Variants in WDR81 observed in about 807,000 individuals in gnomAD.
WDR81 encodes WD repeat-containing protein 81.
Under a neutral mutation model 140.8 loss-of-function variants are expected in WDR81, and 92 were observed. The observed-to-expected ratio is 0.65, with a 90% CI of 0.55 to 0.78. WDR81 has a LOEUF of 0.78. Among genes scored for constraint, WDR81 ranks in the 30% least tolerant of loss-of-function variants. The pLI is 0.00. For missense variants in WDR81, 2,502 were observed against 2,636.4 expected (o/e 0.95, Z 1.12); for synonymous variants, 1,183 against 1,156.4 (o/e 1.02, Z -0.47).
In WDR81 at chr17:1,734,128, C is replaced by A. The variant is rs1904642131; in HGVS notation, c.5091C>A (p.Arg1697=). 1.2e-6 allele frequency: 2 copies of A among 1,600,100 alleles called. No individual in the cohort carries two copies. Among genetic ancestry groups the A allele is most frequent in the Admixed American group, 3.3e-5 (2 of 60,006 alleles). The change falls in exon 7 of 10, where the codon CGC becomes CGA. Residue 1697 remains arginine, a synonymous_variant. Coordinates refer to ENST00000409644, the MANE Select transcript of WDR81 (RefSeq NM_001163809.2). ...TAPRLVYTQH[R]KSVFFVGQLE... is the part of the protein sequence containing the mutation. The stretch of plus-strand genomic sequence containing the variant: ...CACGCCTCGTCTACACCCAGCACCG[C>A]AAGAGCGTCTTCTTCGTGGGCCAGC...
In WDR81 at chr17:1,727,141, A is replaced by T. The variant is rs910504437; in HGVS notation, c.2182A>T (p.Met728Leu). 3 of 1,547,938 alleles carry T rather than the reference A, an allele frequency of 1.9e-6. No individual in the cohort carries two copies. Among genetic ancestry groups the T allele is most frequent in the Non-Finnish European group, 2.6e-6 (3 of 1,145,286 alleles). Residue 728 changes from methionine (M) to leucine (L), a missense_variant, in exon 1 of 10, where the codon ATG (methionine) becomes TTG (leucine). By Grantham distance (15) the Met-to-Leu change is conservative. This residue lies in a region of WDR81 where 1,737 missense variants were observed against 1,843.0 expected (regional missense o/e 0.94). Coordinates refer to ENST00000409644, the MANE Select transcript of WDR81 (RefSeq NM_001163809.2). ...RILLPEGFNP[M>L]QALEELEKTG... The stretch of plus-strand genomic sequence containing the variant: ...TCTTCTTCCCGAGGGCTTCAATCCC[A>T]TGCAGGCCCTGGAGGAGCTGGAGAA...
At chr17:1,732,584 C>G in intron 5 of WDR81, 82 bp from the exon 6 acceptor site, 1 of 1,573,354 alleles carries the variant, frequency 6.4e-7, no homozygotes, top group Non-Finnish European at 8.6e-7. Context: ...TGAAGCTGGA[C>G]TCCGCGGGCC....
upstream of WDR81, chr17:1,724,421 C>G (rs1373800528): frequency 1.1e-6 from 1 of 951,220 alleles, no homozygotes; most frequent in East Asian, 1.2e-4. Context: ...CCGCACTTAA[C>G]TAAGAGGCTG....
intron 1 of WDR81, 68 bp from the exon 2 acceptor site, chr17:1,730,312 G>A (rs1223238137): frequency 3.8e-6 from 5 of 1,331,110 alleles, no homozygotes; most frequent in Non-Finnish European, 5.2e-6. Context: ...GGGGTGCCGT[G>A]GGGTGGGGTG....
Position 1,728,045 on chromosome 17 carries a change from C to A in WDR81, c.3086C>A (p.Ala1029Asp). The stretch of plus-strand genomic sequence containing the variant: ...GAGAGCAAGGACCTGGCAGGGGCTG[C>A]TGAGGAGGAGGAGAGCGGGCTGCCC... Reference protein sequence around the residue: ...QEESKDLAGAAEEEESGLPGA... With the variant: ...QEESKDLAGADEEEESGLPGA... The change falls in exon 1 of 10, where the codon GCT (alanine) becomes GAT (aspartate). Residue 1029 changes from alanine to aspartate, a missense_variant. Ala to Asp is a moderately radical substitution (Grantham distance 126). Coordinates refer to ENST00000409644, the MANE Select transcript of WDR81 (RefSeq NM_001163809.2). 6.4e-7 allele frequency: 1 copy of A among 1,558,658 alleles called. No homozygotes were observed. The highest frequency in any genetic ancestry group is 8.7e-7 in the Non-Finnish European group (1 of 1,152,292).
rs749752993 is a variant in WDR81 at position 1,726,574 on chromosome 17, C to T, written c.1615C>T (p.Arg539Trp). 66 of 1,550,252 alleles carry T rather than the reference C, an allele frequency of 4.3e-5. No homozygotes were observed. Among genetic ancestry groups the T allele is most frequent in the Non-Finnish European group, 5.2e-5 (60 of 1,146,986 alleles). The change falls in exon 1 of 10, where the codon CGG becomes TGG. Residue 539 changes from arginine (R) to tryptophan (W), a missense_variant. Transcript: ENST00000409644. The stretch of plus-strand genomic sequence containing the variant: ...CCTGCTGGAGAGCCGCGAGGTATCC[C>T]GGGACCTGCACCATTGGATCGACCT... The part of the protein sequence containing the change: ...RALLESREVS[R>W]DLHHWIDLTF...
rs1597289351 is a variant in WDR81 at position 1,727,489 on chromosome 17, C to A, written c.2530C>A (p.Gln844Lys). The A allele has an allele frequency of 6.5e-7, 1 of 1,550,272 alleles. No homozygotes were observed. The highest frequency in any genetic ancestry group is 8.7e-7 in the Non-Finnish European group (1 of 1,147,006). The change falls in exon 1 of 10, where the codon CAA becomes AAA. Residue 844 changes from glutamine (Q) to lysine (K), a missense_variant. Transcript: ENST00000409644. ...GGGAGCAGAGAGGGGCAAGCTGGAC[C>A]AACTGTTTGAGTACAGGCCTGTCTC... ...PMGAERGKLD[Q>K]LFEYRPVSQG...
upstream of WDR81, among the ~76,000 whole-genome samples, chr17:1,720,035 C>T (rs1049917729): frequency 6.6e-6 from 1 of 151,498 alleles, no homozygotes. Flanking sequence ...TTAGAAAACA[C>T]CTAGCGTAGA....
At position 1,733,965 on chromosome 17, in the gene WDR81, G is replaced by A; in HGVS notation, c.4928G>A (p.Ser1643Asn). The change falls in exon 7 of 10, where the codon AGC (serine) becomes AAC (asparagine). Residue 1643 changes from serine (S) to asparagine (N), a missense_variant. This residue lies in a region of WDR81 where 1,737 missense variants were observed against 1,843.0 expected (regional missense o/e 0.94). Transcript: ENST00000409644. ...CACTTCCACCAGATCCGCCTGCAGA[G>A]CTTCCCGGGCCACTCGGGGGCCGTC... ...HFHFHQIRLQ[S>N]FPGHSGAVKC... The A allele has an allele frequency of 2.5e-6, 4 of 1,612,902 alleles. No homozygotes were observed. Among genetic ancestry groups the A allele is most frequent in the Non-Finnish European group, 3.4e-6 (4 of 1,180,000 alleles).
chr17:1,732,011 A>G (rs1904392721), intron 4 of WDR81, among the ~76,000 whole-genome samples: 1 of 151,384 alleles, frequency 6.6e-6, no homozygotes, highest in Admixed American at 6.6e-5. Context: ...AGGTGGGTGG[A>G]TCGCTTGAGG....
At chr17:1,719,993 A>G (rs1914778904), upstream of WDR81, among the ~76,000 whole-genome samples, 1 of 152,180 alleles carries the variant, frequency 6.6e-6, no homozygotes. Context: ...CGAAAAACAA[A>G]TTTAATTAGA....
rs1432293697 is a variant in WDR81 at position 1,726,853 on chromosome 17, G to A, written c.1894G>A (p.Gly632Arg). The A allele has an allele frequency of 1.9e-6, 3 of 1,550,206 alleles. No homozygotes were observed. In the Admixed American group the frequency reaches 5.9e-5, roughly 30 times the overall value. The part of the protein sequence containing the change: ...FTENPGQLPN[G>R]VGRPVLEATP... ...GGAAAACCCGGGACAGCTTCCAAAT[G>A]GAGTGGGCCGGCCAGTTTTAGAGGC... Residue 632 changes from glycine to arginine, a missense_variant, in exon 1 of 10, where the codon GGA (glycine) becomes AGA (arginine). Gly to Arg is a moderately radical substitution (Grantham distance 125, BLOSUM62 -2). Coordinates refer to ENST00000409644, the MANE Select transcript of WDR81 (RefSeq NM_001163809.2).
At position 1,728,571 on chromosome 17, in the gene WDR81, AGAG is replaced by A. The variant is rs752609059; in HGVS notation, c.3620_3622del (p.Glu1207del). On this transcript the variant is annotated inframe_deletion, in exon 1 of 10. Transcript: ENST00000409644. The stretch of plus-strand genomic sequence containing the variant: ...GCGGCAGTGGGGGAGATGGAGAAGA[AGAG>A]GAGGAGGCACTGCCTGAGCAGTCAG... 48 of 1,513,318 alleles carry A rather than the reference AGAG, an allele frequency of 3.2e-5. No homozygotes were observed. The Admixed American group carries it at 7.2e-4, about 23-fold the overall frequency. 93.7% of individuals were successfully genotyped at this position (1,513,318 alleles called of 1,614,324 possible).
At chr17:1,716,722 C>T in intron 1 of WDR81, 2 of 1,417,222 alleles carry the variant, frequency 1.4e-6, no homozygotes, top group South Asian at 1.2e-5. Flanking sequence ...GTCGTGAGTG[C>T]TTCTTTTAGA....
chr17:1,724,648 G>A, upstream of WDR81: 1 of 1,027,804 alleles, frequency 9.7e-7, no homozygotes, highest in South Asian at 4.6e-5. Flanking sequence ...TCCCGCCCGG[G>A]CCTCTGGAGC....
Position 1,731,130 on chromosome 17 carries a change from GGCC to G in WDR81, c.4032_4034del (p.Ala1345del). On this transcript the variant is annotated inframe_deletion, in exon 4 of 10. Coordinates refer to ENST00000409644, the MANE Select transcript of WDR81 (RefSeq NM_001163809.2). Reference sequence around the variant, plus strand: ...ACAGCCGTAAGGAGGCGGGGCTGCTGGCCGCGGTGACGCTGACTCAGAAGATCA... The same window carrying G: ...ACAGCCGTAAGGAGGCGGGGCTGCTGGCGGTGACGCTGACTCAGAAGATCA... 6.2e-7 allele frequency: 1 copy of G among 1,613,320 alleles called. No individual in the cohort carries two copies. Among genetic ancestry groups the G allele is most frequent in the East Asian group, 2.2e-5 (1 of 44,880 alleles).
chr17:1,737,110 A>T (rs1010636264), intron 9 of WDR81, among the ~76,000 whole-genome samples: 22 of 152,194 alleles, frequency 1.4e-4, no homozygotes, highest in African/African-American at 5.1e-4. Flanking sequence ...ACGAAGGTCA[A>T]GGTCGTCACG....
chr17:1,717,810 G>C (rs561030501), intron 1 of WDR81, among the ~76,000 whole-genome samples: 1 of 152,130 alleles, frequency 6.6e-6, no homozygotes, highest in African/African-American at 2.4e-5. Context: ...CTCTGGGCTT[G>C]GAAAGAGAGG....
Position 1,732,346 on chromosome 17 carries a change from T to A in WDR81, c.4179T>A (p.Ala1393=), listed in dbSNP as rs1904420787. ...CCAGGTTCCCAAGTGGGGCCCAGGCTCGGACCATCCTGTGTGTGAAAACCA... is the reference window on the plus strand; with the variant it reads ...CCAGGTTCCCAAGTGGGGCCCAGGCACGGACCATCCTGTGTGTGAAAACCA... ...LVTGFPSGAQ[A]RTILCVKTIS... The change falls in exon 5 of 10, where the codon GCT becomes GCA. Residue 1393 remains alanine, a synonymous_variant. Transcript: ENST00000409644. 15 of 1,613,178 alleles carry A rather than the reference T, an allele frequency of 9.3e-6. No individual in the cohort carries two copies. Among genetic ancestry groups the A allele is most frequent in the Non-Finnish European group, 1.3e-5 (15 of 1,180,014 alleles).
Sources: gnomAD v4.1 joint callset for allele counts (sites outside exome capture counted in the v4.1 genomes callset) on GRCh38, gnomAD v4.1.1 for gene constraint, gnomAD v4.1.1 regional missense constraint, MANE v1.5 for transcripts, NCBI Gene and HGNC (gene_info 2026-07-23, HGNC 2026-07-21) for gene names.